RNF125: variants seen among roughly 807,000 people sequenced by gnomAD.
RNF125 encodes E3 ubiquitin-protein ligase RNF125.
In RNF125, 21 loss-of-function variants were observed where a neutral mutation model predicts 26.0. That is an observed-to-expected ratio of 0.81 (90% CI 0.57 to 1.16). RNF125 has a LOEUF of 1.16. Ranked by LOEUF, RNF125 falls within the 50% of genes most tolerant of loss-of-function variation. RNF125 has a pLI of 0.00. For synonymous variants in RNF125, 95 were observed against 109.2 expected (o/e 0.87, Z 0.81); for missense variants, 270 against 299.4 (o/e 0.90, Z 0.72).
At chr18:32,028,720 T>G (rs1028448470) in intron 1 of RNF125, among the ~76,000 whole-genome samples, 3 of 151,666 alleles carry the variant, frequency 2.0e-5, no homozygotes, top group Non-Finnish European at 4.4e-5. Flanking sequence ...GCCCGGCTAA[T>G]TTTTGTATTT....
chr18:32,076,736 C>T (rs533360593), downstream of RNF125, among the ~76,000 whole-genome samples: 7 of 152,302 alleles, frequency 4.6e-5, no homozygotes, highest in African/African-American at 1.7e-4. Flanking sequence ...CCTTATACTT[C>T]GGCCACACTG....
intron 4 of RNF125, among the ~76,000 whole-genome samples, chr18:32,060,970 G>A (rs1035248116): frequency 1.3e-5 from 2 of 152,172 alleles, no homozygotes; most frequent in Non-Finnish European, 2.9e-5. Flanking sequence ...GGCCAGCCTG[G>A]TCAACAAAGT....
chr18:32,044,038 G>T (rs2039244939), intron 3 of RNF125, among the ~76,000 whole-genome samples: 1 of 150,642 alleles, frequency 6.6e-6, no homozygotes, highest in African/African-American at 2.4e-5. Context: ...ATGGAGTCTT[G>T]CTCTGTCACC....
intron 1 of RNF125, among the ~76,000 whole-genome samples, chr18:32,033,969 TAAA>T (rs371872089): frequency 7.2e-6 from 1 of 139,532 alleles, no homozygotes; most frequent in Non-Finnish European, 1.6e-5. Flanking sequence ...AACATACCTT[TAAA>T]AAAAAAAAAA....
rs184987694 is a variant in RNF125, at chr18:32,044,212, G to C, written c.414-1430G>C. Among the ~76,000 whole-genome samples the C allele has an allele frequency of 9.4e-3, 1,434 of 152,090 alleles. 21 individuals carry two copies. The highest frequency in any genetic ancestry group is 8.3e-3 in the Non-Finnish European group (567 of 68,008). On this transcript the variant is annotated intron_variant, in intron 3 of 5. Coordinates refer to ENST00000217740, the MANE Select transcript of RNF125 (RefSeq NM_017831.4). The stretch of plus-strand genomic sequence containing the variant: ...AGTAGAGACAGGGTTTCAGCATCTT[G>C]GCCAGGCTGGTCTTGAACTCCTGAC...
rs1206579584 is a variant in RNF125 at position 32,070,461 on chromosome 18, G to T, written c.*2077G>T. The T allele has an allele frequency of 6.6e-6, 1 of 152,232 alleles. No homozygotes were observed. Among genetic ancestry groups the T allele is most frequent in the Non-Finnish European group, 1.5e-5 (1 of 68,082 alleles). The allele number at this position is 152,232 out of a possible 1,614,324, so 9.4% of individuals were successfully genotyped here. ...GCTGGGATTATAGGCGTGAGCCACT[G>T]TGCCCGGCCTACAGGGTTTTTATCT... On this transcript the variant is annotated 3_prime_UTR_variant, in exon 6 of 6. Transcript: ENST00000217740.
chr18:32,027,931 A>G (rs1011646902), intron 1 of RNF125, among the ~76,000 whole-genome samples: 1 of 151,072 alleles, frequency 6.6e-6, no homozygotes, highest in Non-Finnish European at 1.5e-5. Context: ...TATAAGAGGG[A>G]AAAAAAAACA....
Position 32,072,628 on chromosome 18 carries a change from T to C in RNF125, c.*4244T>C, listed in dbSNP as rs1014573512. The C allele has an allele frequency of 6.6e-6, 1 of 152,242 alleles. No homozygotes were observed. Among genetic ancestry groups the C allele is most frequent in the Non-Finnish European group, 1.5e-5 (1 of 68,048 alleles). 9.4% of individuals were successfully genotyped at this position (152,242 alleles called of 1,614,324 possible). On this transcript the variant is annotated 3_prime_UTR_variant, in exon 6 of 6. Coordinates refer to ENST00000217740, the MANE Select transcript of RNF125 (RefSeq NM_017831.4). ...AAAATGGTAAAGTACAAATACTCAT[T>C]GTTTTACTGTGCCTTTGGCCTTTTA...
intron 4 of RNF125, among the ~76,000 whole-genome samples, chr18:32,058,345 A>G (rs1019313943): frequency 1.5e-5 from 2 of 131,942 alleles, no homozygotes; most frequent in Non-Finnish European, 3.5e-5. Flanking sequence ...AAACAATCCA[A>G]TTATACTCTT....
At chr18:32,062,450 C>T (rs1427908209) in intron 4 of RNF125, among the ~76,000 whole-genome samples, 2 of 152,116 alleles carry the variant, frequency 1.3e-5, no homozygotes, top group African/African-American at 4.8e-5. Flanking sequence ...TAACCAAGAA[C>T]ATTAGGAAAT....
chr18:32,041,055 G>A (rs569190872), intron 2 of RNF125, among the ~76,000 whole-genome samples: 32 of 152,246 alleles, frequency 2.1e-4, no homozygotes, highest in Middle Eastern at 3.4e-3. Context: ...TTTAACTTCC[G>A]TAGCTTGGGC....
chr18:32,049,851 C>T (rs1041571834), intron 4 of RNF125, among the ~76,000 whole-genome samples: 1 of 152,004 alleles, frequency 6.6e-6, no homozygotes, highest in African/African-American at 2.4e-5. Context: ...TGATTTACCC[C>T]ATGGTTAGGA....
chr18:32,079,712 C>T, the RNF125 span, among the ~76,000 whole-genome samples: 2 of 152,208 alleles, frequency 1.3e-5, no homozygotes, highest in African/African-American at 2.4e-5. Flanking sequence ...CATTCCTTCT[C>T]TTTAGAGATA....
chr18:32,024,967 G>A (rs1172267462), intron 1 of RNF125, among the ~76,000 whole-genome samples: 1 of 152,048 alleles, frequency 6.6e-6, no homozygotes, highest in Non-Finnish European at 1.5e-5. Flanking sequence ...TGGAGGCTGA[G>A]GTGGGAGAAT....
At chr18:32,046,345 C>T (rs1475280713) in intron 4 of RNF125, among the ~76,000 whole-genome samples, 1 of 151,690 alleles carries the variant, frequency 6.6e-6, no homozygotes, top group African/African-American at 2.4e-5. Context: ...ACCTGTAATC[C>T]CAGCACTTTG....
intron 1 of RNF125, among the ~76,000 whole-genome samples, chr18:32,023,723 T>C (rs1263666701): frequency 6.6e-6 from 1 of 152,164 alleles, no homozygotes; most frequent in Non-Finnish European, 1.5e-5. Flanking sequence ...AAAACCCAGT[T>C]TGTGAATCCA....
At chr18:32,066,127 G>C in intron 5 of RNF125, 118 bp downstream of exon 5, 1 of 606,818 alleles carries the variant, frequency 1.6e-6, no homozygotes, top group Admixed American at 2.8e-5. Context: ...ATAGTGTTGA[G>C]TATTAGCATT....
At chr18:32,089,731 A>G in the RNF125 span, among the ~76,000 whole-genome samples, 1 of 152,204 alleles carries the variant, frequency 6.6e-6, no homozygotes, top group African/African-American at 2.4e-5. Context: ...GTGTATACCG[A>G]ATGACTTATT....
intron 1 of RNF125, among the ~76,000 whole-genome samples, chr18:32,033,426 G>T (rs769046911): frequency 2.0e-5 from 3 of 152,038 alleles, no homozygotes; most frequent in Non-Finnish European, 4.4e-5. Flanking sequence ...TGCTTGGGAG[G>T]CTGAGGCAGA....
Sources: allele counts gnomAD v4.1 joint callset (sites outside exome capture counted in the v4.1 genomes callset), GRCh38; gene constraint gnomAD v4.1.1; transcripts MANE v1.5; gene names NCBI Gene and HGNC (gene_info 2026-07-23, HGNC 2026-07-21).